The following CMTM8 variants were observed in gnomAD, a reference collection of about 807,000 sequenced individuals.
CMTM8 encodes the protein CKLF like MARVEL transmembrane domain containing 8.
In CMTM8, 12 loss-of-function variants were observed where a neutral mutation model predicts 18.6. The ratio of observed to expected loss-of-function variants is 0.65; its 90% CI spans 0.41 to 1.05. The LOEUF is 1.05. Ranked by LOEUF, CMTM8 falls within the 50% of genes least tolerant of loss-of-function variation. The probability of loss-of-function intolerance (pLI) is 0.00; values close to 1 mark genes in which losing one functional copy is unlikely to be tolerated. For missense variants in CMTM8, 217 were observed against 227.2 expected (o/e 0.95, Z 0.29); for synonymous variants, 87 against 90.6 (o/e 0.96, Z 0.23).
At chr3:32,318,060 A>G in intron 1 of CMTM8, among the ~76,000 whole-genome samples, 1 of 137,290 alleles carries the variant, frequency 7.3e-6, no homozygotes, top group African/African-American at 3.5e-5. Context: ...TGTCTCAAAA[A>G]AAAAAAAAAA....
At chr3:32,240,892 A>G (rs1701938779) in intron 1 of CMTM8, among the ~76,000 whole-genome samples, 3 of 152,028 alleles carry the variant, frequency 2.0e-5, no homozygotes, top group Non-Finnish European at 4.4e-5. Context: ...GGCTCAAGCG[A>G]TCTTCCCATC....
At chr3:32,359,416 CCCGTCTCTACTATAAATACAAAAATT>C (rs1696877941) in intron 2 of CMTM8, among the ~76,000 whole-genome samples, 1 of 152,148 alleles carries the variant, frequency 6.6e-6, no homozygotes, top group Non-Finnish European at 1.5e-5. Flanking sequence ...ATGGCGAAAT[CCCGTCTCTACTATAAATACAAAAATT>C]AGCCTGGCGT....
chr3:32,239,148 G>A (rs1343674956), intron 1 of CMTM8, 29 bp downstream of exon 1: 2 of 1,574,180 alleles, frequency 1.3e-6, no homozygotes, highest in African/African-American at 2.7e-5. Flanking sequence ...GGGGTGGCGG[G>A]GGGCTCAGCT....
At chr3:32,284,524 G>T (rs1366707038) in intron 1 of CMTM8, among the ~76,000 whole-genome samples, 1 of 152,130 alleles carries the variant, frequency 6.6e-6, no homozygotes, top group African/African-American at 2.4e-5. Flanking sequence ...ATCACATTGG[G>T]TTATCTATTG....
intron 1 of CMTM8, among the ~76,000 whole-genome samples, chr3:32,307,696 G>T (rs1695743576): frequency 6.6e-6 from 1 of 152,164 alleles, no homozygotes; most frequent in Admixed American, 6.5e-5. Flanking sequence ...TAAGGCAATG[G>T]TTCTCAAACT....
chr3:32,357,231 C>T (rs1315239916), intron 1 of CMTM8, 142 bp from the exon 2 acceptor site: 4 of 745,118 alleles, frequency 5.4e-6, no homozygotes, highest in South Asian at 1.9e-5. Flanking sequence ...GCGACGGGAG[C>T]GAGACTCCAT....
intron 1 of CMTM8, among the ~76,000 whole-genome samples, chr3:32,262,605 A>C (rs906770447): frequency 6.6e-6 from 1 of 152,252 alleles, no homozygotes; most frequent in Non-Finnish European, 1.5e-5. Context: ...ATTTCTAGCT[A>C]TGCAACCTTT....
intron 1 of CMTM8, among the ~76,000 whole-genome samples, chr3:32,327,556 C>A (rs78758244): frequency 0.012 from 1,839 of 152,240 alleles, 26 homozygotes; most frequent in Admixed American, 0.029. Flanking sequence ...GACTCCCAAG[C>A]AAAATTGGAT....
chr3:32,251,757 T>G (rs1702113664), intron 1 of CMTM8, among the ~76,000 whole-genome samples: 1 of 152,050 alleles, frequency 6.6e-6, no homozygotes, highest in Non-Finnish European at 1.5e-5. Context: ...GTTACACAAA[T>G]ATTTGAAGAA....
At chr3:32,347,062 C>T (rs1696611705) in intron 1 of CMTM8, among the ~76,000 whole-genome samples, 1 of 152,082 alleles carries the variant, frequency 6.6e-6, no homozygotes. Flanking sequence ...CTCCTGGGCT[C>T]AAGCAATCCT....
At chr3:32,270,541 T>G (rs1380450149) in intron 1 of CMTM8, among the ~76,000 whole-genome samples, 1 of 152,164 alleles carries the variant, frequency 6.6e-6, no homozygotes, top group East Asian at 1.9e-4. Context: ...TATGCAGCCA[T>G]AAAAAATGAT....
At chr3:32,287,098 C>G (rs1307595377) in intron 1 of CMTM8, among the ~76,000 whole-genome samples, 2 of 152,190 alleles carry the variant, frequency 1.3e-5, no homozygotes, top group Non-Finnish European at 2.9e-5. Context: ...ATAGCTGTTC[C>G]TTTTTTTGTC....
Position 32,357,454 on chromosome 3 carries a change from G to A in CMTM8, c.229G>A (p.Ala77Thr). Residue 77 changes from alanine to threonine, a missense_variant, in exon 2 of 4, where the codon GCT becomes ACT. Transcript: ENST00000307526. ...VPAFGWVMFV[A>T]VFYWVLTVFF... Reference sequence around the variant, plus strand: ...CGCATTTGGCTGGGTCATGTTTGTAGCTGTATTTTACTGGGTCCTCACCGT... The same window carrying A: ...CGCATTTGGCTGGGTCATGTTTGTAACTGTATTTTACTGGGTCCTCACCGT... 1.2e-6 allele frequency: 2 copies of A among 1,614,052 alleles called. No homozygotes were observed. Among genetic ancestry groups the A allele is most frequent in the Non-Finnish European group, 1.7e-6 (2 of 1,180,018 alleles).
intron 1 of CMTM8, among the ~76,000 whole-genome samples, chr3:32,306,782 T>G (rs1695724308): frequency 6.6e-6 from 1 of 152,198 alleles, no homozygotes; most frequent in South Asian, 2.1e-4. Flanking sequence ...TTAATGCATT[T>G]AGACTCATGT....
At chr3:32,302,872 T>C (rs1192639787) in intron 1 of CMTM8, among the ~76,000 whole-genome samples, 1 of 152,182 alleles carries the variant, frequency 6.6e-6, no homozygotes, top group African/African-American at 2.4e-5. Context: ...ATGAAGAGAT[T>C]GGCTGAATTT....
intron 3 of CMTM8, among the ~76,000 whole-genome samples, 179 bp downstream of exon 3, chr3:32,368,167 C>G (rs144249235): frequency 1.3e-5 from 2 of 152,138 alleles, no homozygotes; most frequent in South Asian, 2.1e-4. Context: ...CCTCCTGGCC[C>G]GAAGTGGGAA....
intron 1 of CMTM8, among the ~76,000 whole-genome samples, chr3:32,246,143 C>T (rs1036358490): frequency 6.6e-6 from 1 of 152,180 alleles, no homozygotes; most frequent in Non-Finnish European, 1.5e-5. Context: ...CTCTTGTAAA[C>T]TACTCTTTTT....
At chr3:32,299,216 G>A (rs1047546949) in intron 1 of CMTM8, among the ~76,000 whole-genome samples, 5 of 152,122 alleles carry the variant, frequency 3.3e-5, no homozygotes, top group South Asian at 4.1e-4. Flanking sequence ...TTCAAGGCAC[G>A]ATTTCCAAAT....
Position 32,355,848 on chromosome 3 carries a change from T to A in CMTM8, c.148-1525T>A, listed in dbSNP as rs115207846. The stretch of plus-strand genomic sequence containing the variant: ...CCTTCAGACCTTTGCCCACGCTGTG[T>A]CCTCTGCCTATAATGTTGCCTTCCT... On this transcript the variant is annotated intron_variant, in intron 1 of 3. Transcript: ENST00000307526. 5.6e-3 allele frequency among the ~76,000 whole-genome samples: 848 copies of A among 152,300 alleles called. 5 individuals carry two copies. Among genetic ancestry groups the A allele is most frequent in the African/African-American group, 0.019 (789 of 41,556 alleles).
Sources: allele counts gnomAD v4.1 joint callset (sites outside exome capture counted in the v4.1 genomes callset), GRCh38; gene constraint gnomAD v4.1.1; transcripts MANE v1.5; gene names NCBI Gene and HGNC (gene_info 2026-07-23, HGNC 2026-07-21).